The following MYT1 variants were observed in gnomAD, a reference collection of about 807,000 sequenced individuals.
The protein encoded by MYT1 is myelin transcription factor 1, also known as myelin transcription factor I.
Under a neutral mutation model 123.0 loss-of-function variants are expected in MYT1, and 23 were observed. The observed-to-expected ratio is 0.19, with a 90% CI of 0.13 to 0.26. The LOEUF (loss-of-function observed/expected upper bound fraction) is 0.26, where lower values mean the gene tolerates loss of function less well. Among genes scored for constraint, MYT1 ranks in the 10% least tolerant of loss-of-function variants. The pLI, the probability that MYT1 is intolerant of heterozygous loss-of-function variation, is 1.00. For synonymous variants in MYT1, 518 were observed against 575.3 expected (o/e 0.90, Z 1.43); for missense variants, 1,125 against 1,472.5 (o/e 0.76, Z 3.86).
chr20:64,199,782 C>G, intron 3 of MYT1, 110 bp from the exon 4 acceptor site: 1 of 1,306,548 alleles, frequency 7.7e-7, no homozygotes, highest in Non-Finnish European at 1.1e-6. Context: ...TTTGCCTCCA[C>G]TCGTCCTTGG....
At chr20:64,210,829 AG>A (rs1344890414) in intron 7 of MYT1, among the ~76,000 whole-genome samples, 6 of 152,256 alleles carry the variant, frequency 3.9e-5, no homozygotes, top group Non-Finnish European at 8.8e-5. Context: ...TCAAATCCCA[AG>A]GATATCTCCT....
chr20:64,195,465 A>G (rs1200646591), intron 2 of MYT1, among the ~76,000 whole-genome samples: 1 of 143,248 alleles, frequency 7.0e-6, no homozygotes, highest in East Asian at 2.0e-4. Context: ...GTGCAATCTC[A>G]GCTCACTGCA....
chr20:64,230,580 C>T (rs1984291513), intron 18 of MYT1, among the ~76,000 whole-genome samples: 2 of 152,178 alleles, frequency 1.3e-5, no homozygotes, highest in African/African-American at 4.8e-5. Flanking sequence ...AAGAGCCAGC[C>T]ACCCCCCATT....
intron 4 of MYT1, among the ~76,000 whole-genome samples, chr20:64,201,999 CCGCG>C (rs1983330400): frequency 7.3e-6 from 1 of 136,716 alleles, no homozygotes; most frequent in Non-Finnish European, 1.6e-5. Flanking sequence ...TCGGGAACCC[CCGCG>C]TGTCGGGAAC....
rs1372171215 is a variant in MYT1 at position 64,202,885 on chromosome 20, C to G, written c.87-2150C>G. The stretch of plus-strand genomic sequence containing the variant: ...TCCCGGAGAAAAGAGGCTCGGGAGT[C>G]CTGGAGCCCTGGCCGTCTTCCTCTC... On this transcript the variant is annotated intron_variant, in intron 4 of 22. Coordinates refer to ENST00000328439, the MANE Select transcript of MYT1 (RefSeq NM_004535.3). The surrounding 1 kb of genome is among the most constrained non-coding windows in gnomAD (Gnocchi z 5.0). 6.6e-6 allele frequency among the ~76,000 whole-genome samples: 1 copy of G among 152,148 alleles called. No individual in the cohort carries two copies.
rs1448172399 is a variant in MYT1, at chr20:64,239,756, A to T, written c.3094-4A>T. The T allele has an allele frequency of 6.2e-7, 1 of 1,613,808 alleles. No homozygotes were observed. On this transcript the variant is annotated splice_polypyrimidine_tract_variant and splice_region_variant and intron_variant, in intron 21 of 22. Coordinates refer to ENST00000328439, the MANE Select transcript of MYT1 (RefSeq NM_004535.3). ...GCGGCACTTCGAATCTCTCTCTGGCACAGATCTCCTCCATGGAGAAGAACC... is the reference window on the plus strand; with the variant it reads ...GCGGCACTTCGAATCTCTCTCTGGCTCAGATCTCCTCCATGGAGAAGAACC...
At chr20:64,214,959 A>ATC (rs1447546808) in intron 10 of MYT1, among the ~76,000 whole-genome samples, 1 of 151,986 alleles carries the variant, frequency 6.6e-6, no homozygotes, top group Non-Finnish European at 1.5e-5. Context: ...CACACGTGGG[A>ATC]TCTCTGGGCA....
intron 13 of MYT1, 87 bp from the exon 14 acceptor site, chr20:64,221,806 G>C (rs1984012417): frequency 7.1e-7 from 1 of 1,402,004 alleles, no homozygotes. Context: ...ACACTGTCCT[G>C]AAGGGTCCCT....
rs1984334690 is a variant in MYT1 at position 64,232,038 on chromosome 20, C to T, written c.2676-126C>T. On this transcript the variant is annotated intron_variant, in intron 18 of 22. Transcript: ENST00000328439. The surrounding 1 kb of genome is among the most constrained non-coding windows in gnomAD (Gnocchi z 6.9). ...GGCTCCAGGACCTCAGCGGCCCTCC[C>T]TGCCTCACTCAGAAGCCCTTTAACG... 1 of 927,744 alleles carries T rather than the reference C, an allele frequency of 1.1e-6. No homozygotes were observed. Among genetic ancestry groups the T allele is most frequent in the African/African-American group, 1.6e-5 (1 of 60,674 alleles). The allele number at this position is 927,744 out of a possible 1,614,324, so 57.5% of individuals were successfully genotyped here.
intron 2 of MYT1, among the ~76,000 whole-genome samples, chr20:64,194,720 G>A (rs1027438576): frequency 4.6e-5 from 7 of 152,210 alleles, no homozygotes; most frequent in Non-Finnish European, 1.0e-4. Context: ...CCTGAGCTGG[G>A]GCCCGGGAAG....
intron 20 of MYT1, among the ~76,000 whole-genome samples, 178 bp downstream of exon 20, chr20:64,236,824 G>A (rs1477067187): frequency 3.3e-5 from 5 of 152,152 alleles, no homozygotes; most frequent in African/African-American, 9.7e-5. Flanking sequence ...TGGCTCTGAA[G>A]CTCTTGACAC....
chr20:64,208,827 C>G lies in MYT1; in HGVS notation c.1291+340C>G, dbSNP rs1983579915. Among the ~76,000 whole-genome samples the G allele has an allele frequency of 6.6e-6, 1 of 152,204 alleles. No individual in the cohort carries two copies. Among genetic ancestry groups the G allele is most frequent in the Non-Finnish European group, 1.5e-5 (1 of 68,040 alleles). Reference sequence around the variant, plus strand: ...GGGGACCGTCCTGTCCCTTCCACCCCAACTCACACTCGTGGCAGGGATTGT... The same window carrying G: ...GGGGACCGTCCTGTCCCTTCCACCCGAACTCACACTCGTGGCAGGGATTGT... On this transcript the variant is annotated intron_variant, in intron 7 of 22. Coordinates refer to ENST00000328439, the MANE Select transcript of MYT1 (RefSeq NM_004535.3). This position sits in a 1 kb window ranked among gnomAD's most constrained non-coding sequence, Gnocchi z 5.4.
chr20:64,226,989 A>G (rs569174943), intron 16 of MYT1, among the ~76,000 whole-genome samples: 1 of 152,380 alleles, frequency 6.6e-6, no homozygotes, highest in South Asian at 2.1e-4. Flanking sequence ...CTGTGCTTCA[A>G]GTTATGGCTC....
intron 1 of MYT1, among the ~76,000 whole-genome samples, chr20:64,165,241 G>A (rs1225568255): frequency 1.3e-5 from 2 of 151,998 alleles, no homozygotes; most frequent in African/African-American, 4.8e-5. Flanking sequence ...TCACGTGAAC[G>A]TTTTGTCTGC....
At chr20:64,173,162 A>G (rs913150427) in intron 1 of MYT1, among the ~76,000 whole-genome samples, 6 of 151,890 alleles carry the variant, frequency 4.0e-5, no homozygotes, top group Admixed American at 1.3e-4. Context: ...CAGGCAGGCG[A>G]GTCCAGTTGT....
chr20:64,238,190 G>A (rs1304252553), intron 21 of MYT1, among the ~76,000 whole-genome samples: 1 of 152,108 alleles, frequency 6.6e-6, no homozygotes, highest in African/African-American at 2.4e-5. Flanking sequence ...GTCTGCAGCC[G>A]TGCTGGGGGA....
intron 19 of MYT1, among the ~76,000 whole-genome samples, chr20:64,235,425 A>T (rs1173428237): frequency 3.3e-5 from 4 of 119,512 alleles, no homozygotes; most frequent in African/African-American, 1.3e-4. Context: ...TGATGCTGGG[A>T]TGGTCATGGT....
intron 2 of MYT1, among the ~76,000 whole-genome samples, chr20:64,194,227 C>T (rs1983042161): frequency 6.6e-6 from 1 of 152,200 alleles, no homozygotes; most frequent in South Asian, 2.1e-4. Flanking sequence ...AACAAACAGG[C>T]ACAAGGTGGA....
chr20:64,184,247 A>C (rs1383724527), intron 1 of MYT1, among the ~76,000 whole-genome samples: 1 of 151,938 alleles, frequency 6.6e-6, no homozygotes, highest in East Asian at 1.9e-4. Context: ...AGTCGGAAAG[A>C]TTTACCGCGG....
Sources: gnomAD v4.1 joint callset for allele counts (sites outside exome capture counted in the v4.1 genomes callset) on GRCh38, gnomAD v4.1.1 for gene constraint, Gnocchi (gnomAD v3.1) non-coding constraint, MANE v1.5 for transcripts, NCBI Gene and HGNC (gene_info 2026-07-23, HGNC 2026-07-21) for gene names.